The following KDM7A variants were observed in gnomAD, a reference collection of about 807,000 sequenced individuals.
KDM7A encodes the protein lysine-specific demethylase 7A.
In KDM7A, 28 loss-of-function variants were observed where a neutral mutation model predicts 114.8. The observed-to-expected ratio is 0.24, with a 90% CI of 0.18 to 0.33. KDM7A has a LOEUF of 0.33. Among genes scored for constraint, KDM7A ranks in the 10% least tolerant of loss-of-function variants. KDM7A has a pLI of 1.00. For synonymous variants in KDM7A, 423 were observed against 397.8 expected (o/e 1.06, Z -0.75); for missense variants, 942 against 1,142.5 (o/e 0.82, Z 2.53).
intron 1 of KDM7A, among the ~76,000 whole-genome samples, chr7:140,160,872 TA>T (rs1794511635): frequency 6.6e-6 from 1 of 152,028 alleles, no homozygotes; most frequent in African/African-American, 2.4e-5. Context: ...GAAAAGCAGG[TA>T]AGAGGAAAGA....
intron 1 of KDM7A, among the ~76,000 whole-genome samples, chr7:140,174,310 C>T (rs1050975430): frequency 6.6e-6 from 1 of 152,126 alleles, no homozygotes; most frequent in Non-Finnish European, 1.5e-5. Context: ...AGACCCTGGG[C>T]TCAAAAAAAC....
At chr7:140,154,038 G>C (rs1437156725) in intron 1 of KDM7A, among the ~76,000 whole-genome samples, 4 of 152,144 alleles carry the variant, frequency 2.6e-5, no homozygotes, top group Non-Finnish European at 5.9e-5. Context: ...TGAAGAGTCT[G>C]TACTTATGCA....
At chr7:140,122,339 GAATGTCAATTTATGATTTGAAGAATCATA>G (rs540119945) in intron 7 of KDM7A, among the ~76,000 whole-genome samples, 148 of 151,996 alleles carry the variant, frequency 9.7e-4, no homozygotes, top group Admixed American at 1.3e-3. Context: ...ATTATTCTAT[GAATGTCAATTTATGATTTGAAGAATCATA>G]AATGTCAATT....
intron 1 of KDM7A, among the ~76,000 whole-genome samples, chr7:140,149,735 T>A (rs1794378499): frequency 6.6e-6 from 1 of 152,208 alleles, no homozygotes; most frequent in Admixed American, 6.5e-5. Flanking sequence ...ATAAATATCA[T>A]CCCAAAATGA....
chr7:140,090,539 CCT>C lies in KDM7A; in HGVS notation c.*553_*554del, dbSNP rs1368831662. 2 of 151,762 alleles carry C rather than the reference CCT, an allele frequency of 1.3e-5. No individual in the cohort carries two copies. The highest frequency in any genetic ancestry group is 4.8e-5 in the African/African-American group (2 of 41,276). 9.4% of individuals were successfully genotyped at this position (151,762 alleles called of 1,614,324 possible). A position where few individuals can be genotyped will look rare whatever the true frequency, so the allele number is the denominator to read the frequency against. ...TTTAAAATAATTAATGCATCAAATC[CCT>C]GTTTAAGACTTTAACCTGAATATCA... On this transcript the variant is annotated 3_prime_UTR_variant, in exon 20 of 20. Transcript: ENST00000397560.
At chr7:140,174,610 C>CT (rs962293172) in intron 1 of KDM7A, among the ~76,000 whole-genome samples, 25 of 151,360 alleles carry the variant, frequency 1.7e-4, no homozygotes, top group East Asian at 1.2e-3. Flanking sequence ...TTTCTTTTTT[C>CT]TTTTTTTTTG....
chr7:140,176,342 C>G lies in KDM7A; in HGVS notation c.194+402G>C, dbSNP rs1227074938. On this transcript the variant is annotated intron_variant, in intron 1 of 19. Transcript: ENST00000397560. The surrounding 1 kb of genome is among the most constrained non-coding windows in gnomAD (Gnocchi z 4.4). Reference sequence around the variant, plus strand: ...GGCGGCCGGCGACTCCGGCCGGAGCCCCGGGCGCGGCGGGGCGGGGCGGGG... The same window carrying G: ...GGCGGCCGGCGACTCCGGCCGGAGCGCCGGGCGCGGCGGGGCGGGGCGGGG... 1.4e-5 allele frequency among the ~76,000 whole-genome samples: 2 copies of G among 142,348 alleles called. No individual in the cohort carries two copies. The highest frequency in any genetic ancestry group is 3.1e-5 in the Non-Finnish European group (2 of 65,008). 93.4% of individuals were successfully genotyped at this position (142,348 alleles called of 152,430 possible).
chr7:140,105,340 TGA>T (rs1818313574), intron 11 of KDM7A, among the ~76,000 whole-genome samples: 2 of 152,318 alleles, frequency 1.3e-5, no homozygotes, highest in South Asian at 4.1e-4. Context: ...ATAGGAGTGG[TGA>T]GAGAGGGCAT....
At chr7:140,101,863 A>C in intron 12 of KDM7A, 88 bp downstream of exon 12, 1 of 858,692 alleles carries the variant, frequency 1.2e-6, no homozygotes, top group East Asian at 2.4e-5. Flanking sequence ...AGATATCAAC[A>C]ATAGTCAAGA....
chr7:140,106,817 C>G (rs1187755521), intron 11 of KDM7A, among the ~76,000 whole-genome samples: 2 of 152,170 alleles, frequency 1.3e-5, no homozygotes, highest in Non-Finnish European at 2.9e-5. Flanking sequence ...TTGGTGCAAG[C>G]TGAGTTCAAT....
At chr7:140,119,062 T>C (rs754002681) in intron 9 of KDM7A, 51 bp downstream of exon 9, 1 of 1,062,594 alleles carries the variant, frequency 9.4e-7, no homozygotes, top group Non-Finnish European at 1.4e-6. Context: ...ATGAGTGAAT[T>C]TACAAACAAT....
At chr7:140,155,185 A>G (rs894947179) in intron 1 of KDM7A, among the ~76,000 whole-genome samples, 1 of 152,226 alleles carries the variant, frequency 6.6e-6, no homozygotes, top group Non-Finnish European at 1.5e-5. Context: ...ATAATTAACA[A>G]GTATTTGTAA....
chr7:140,149,460 G>T (rs1288431684), intron 1 of KDM7A, among the ~76,000 whole-genome samples: 1 of 152,252 alleles, frequency 6.6e-6, no homozygotes, highest in East Asian at 1.9e-4. Flanking sequence ...TTATTAGAAT[G>T]TTCTAAAGAA....
At chr7:140,166,857 T>C (rs1361420365) in intron 1 of KDM7A, among the ~76,000 whole-genome samples, 1 of 152,222 alleles carries the variant, frequency 6.6e-6, no homozygotes, top group Non-Finnish European at 1.5e-5. Context: ...TCTATTTGTA[T>C]ATTACATATC....
chr7:140,166,259 G>T (rs751015583), intron 1 of KDM7A, among the ~76,000 whole-genome samples: 3 of 151,588 alleles, frequency 2.0e-5, no homozygotes, highest in African/African-American at 4.8e-5. Context: ...CACAGATGCT[G>T]AAGGAGCCTT....
chr7:140,176,469 C>T lies in KDM7A; in HGVS notation c.194+275G>A, dbSNP rs1443022630. On this transcript the variant is annotated intron_variant, in intron 1 of 19. Coordinates refer to ENST00000397560, the MANE Select transcript of KDM7A (RefSeq NM_030647.2). The surrounding 1 kb of genome is among the most constrained non-coding windows in gnomAD (Gnocchi z 4.4). ...CCGCGTCCCCTCGCCCCAGGCTCCC[C>T]CTGCCAACTTATCCGCCGGCCCTCT... is the stretch of plus-strand genomic sequence containing the variant. Among the ~76,000 whole-genome samples, 1 of 146,642 alleles carries T rather than the reference C, an allele frequency of 6.8e-6. No homozygotes were observed. The highest frequency in any genetic ancestry group is 2.4e-5 in the African/African-American group (1 of 40,914).
At chr7:140,145,284 A>G (rs1395630969) in intron 1 of KDM7A, among the ~76,000 whole-genome samples, 1 of 152,172 alleles carries the variant, frequency 6.6e-6, no homozygotes, top group East Asian at 1.9e-4. Context: ...TTAAAGGATG[A>G]CCCGTGAAAT....
chr7:140,113,210 G>A (rs1818460977), intron 10 of KDM7A, among the ~76,000 whole-genome samples: 1 of 152,160 alleles, frequency 6.6e-6, no homozygotes, highest in Admixed American at 6.5e-5. Context: ...AACTGTAAGA[G>A]CTCAATGTTA....
chr7:140,168,583 C>T (rs1227203085), intron 1 of KDM7A, among the ~76,000 whole-genome samples: 1 of 147,144 alleles, frequency 6.8e-6, no homozygotes, highest in Non-Finnish European at 1.5e-5. Context: ...AAAAAAAAAA[C>T]TGGATGTAGG....
Sources: gnomAD v4.1 joint callset for allele counts (sites outside exome capture counted in the v4.1 genomes callset) on GRCh38, gnomAD v4.1.1 for gene constraint, Gnocchi (gnomAD v3.1) non-coding constraint, MANE v1.5 for transcripts, NCBI Gene and HGNC (gene_info 2026-07-23, HGNC 2026-07-21) for gene names.